TENM2: variants seen among roughly 807,000 people sequenced by gnomAD.
TENM2 encodes teneurin transmembrane protein 2.
In TENM2, 52 loss-of-function variants were observed where a neutral mutation model predicts 245.2. That is an observed-to-expected ratio of 0.21 (90% CI 0.17 to 0.27). The LOEUF (loss-of-function observed/expected upper bound fraction) is 0.27. TENM2 is among the 10% of genes least tolerant of loss of function. The pLI is 1.00. For synonymous variants in TENM2, 1,363 were observed against 1,438.9 expected (o/e 0.95, Z 1.19); for missense variants, 3,046 against 3,666.8 (o/e 0.83, Z 4.37).
At chr5:168,058,268 C>A (rs1274853377) in intron 6 of TENM2, among the ~76,000 whole-genome samples, 2 of 152,168 alleles carry the variant, frequency 1.3e-5, no homozygotes, top group Admixed American at 1.3e-4. Context: ...AATACCCCAC[C>A]AGATGGATTT....
chr5:167,227,709 G>A, the TENM2 span, among the ~76,000 whole-genome samples: 1 of 152,142 alleles, frequency 6.6e-6, no homozygotes, highest in South Asian at 2.1e-4. Context: ...TGACATTAGA[G>A]TTTGACTGTA....
At chr5:167,329,454 A>G (rs2127787345) in intron 1 of TENM2, among the ~76,000 whole-genome samples, 1 of 145,784 alleles carries the variant, frequency 6.9e-6, no homozygotes, top group East Asian at 2.2e-4. Context: ...CGGGAGGCTG[A>G]GGCAGGAGAA....
At chr5:168,124,425 C>T (rs1795695548) in intron 10 of TENM2, among the ~76,000 whole-genome samples, 1 of 152,216 alleles carries the variant, frequency 6.6e-6, no homozygotes, top group Non-Finnish European at 1.5e-5. Context: ...CTACTTTTCT[C>T]TCTTATAGTG....
intron 2 of TENM2, among the ~76,000 whole-genome samples, chr5:167,816,633 G>GT (rs1244953958): frequency 6.6e-6 from 1 of 152,072 alleles, no homozygotes; most frequent in Non-Finnish European, 1.5e-5. Flanking sequence ...TCAGCAGTGT[G>GT]TATTTAGAGA....
chr5:167,874,696 A>G (rs900418194), intron 2 of TENM2, among the ~76,000 whole-genome samples: 4 of 152,202 alleles, frequency 2.6e-5, no homozygotes, highest in African/African-American at 9.6e-5. Context: ...TGAAGCAGGC[A>G]AAAGTATAGG....
At chr5:167,281,900 A>T (rs6865117), upstream of TENM2, among the ~76,000 whole-genome samples, 139,720 of 151,546 alleles carry the variant, frequency 0.92, 64,441 homozygotes, top group East Asian at 0.97. Flanking sequence ...CTTGGGAGGC[A>T]GAGGCAGGAG....
chr5:167,725,048 A>T (rs905248545), intron 2 of TENM2, among the ~76,000 whole-genome samples: 1 of 152,228 alleles, frequency 6.6e-6, no homozygotes, highest in Admixed American at 6.5e-5. Flanking sequence ...CTCCATTAAA[A>T]TAAAGGGTAT....
At chr5:167,906,438 G>T (rs1776090805) in intron 3 of TENM2, among the ~76,000 whole-genome samples, 1 of 152,176 alleles carries the variant, frequency 6.6e-6, no homozygotes, top group Non-Finnish European at 1.5e-5. Flanking sequence ...GTTTGCCCAA[G>T]TGCAGCCCCT....
chr5:167,703,530 C>CAAAAAA (rs747603141), intron 2 of TENM2, among the ~76,000 whole-genome samples: 1,040 of 96,844 alleles, frequency 0.011, 36 homozygotes, highest in East Asian at 0.058. Context: ...GAAACCATCT[C>CAAAAAA]AAAAAAAAAA....
the TENM2 span, among the ~76,000 whole-genome samples, chr5:167,126,636 A>G: frequency 6.6e-6 from 1 of 152,352 alleles, no homozygotes; most frequent in East Asian, 1.9e-4. Flanking sequence ...AATTAATAAA[A>G]ATAAACACAA....
intron 23 of TENM2, among the ~76,000 whole-genome samples, chr5:168,222,154 C>CTTA (rs1763726444): frequency 6.6e-6 from 1 of 152,172 alleles, no homozygotes; most frequent in Non-Finnish European, 1.5e-5. Context: ...CAGATAGAGA[C>CTTA]TTATTTTGGA....
chr5:167,514,145 A>G (rs1030856326), intron 2 of TENM2, among the ~76,000 whole-genome samples: 4 of 152,208 alleles, frequency 2.6e-5, no homozygotes, highest in African/African-American at 9.7e-5. Context: ...CAGAATCGCA[A>G]TATTCCCTTT....
the TENM2 span, among the ~76,000 whole-genome samples, chr5:167,105,195 G>A: frequency 6.6e-6 from 1 of 152,156 alleles, no homozygotes; most frequent in Non-Finnish European, 1.5e-5. Context: ...GTTTAAATGA[G>A]TCTATAATTT....
chr5:167,025,380 A>T, the TENM2 span, among the ~76,000 whole-genome samples: 1 of 152,224 alleles, frequency 6.6e-6, no homozygotes, highest in Non-Finnish European at 1.5e-5. Flanking sequence ...TACAAAATTT[A>T]TAGTTACAAA....
intron 2 of TENM2, among the ~76,000 whole-genome samples, chr5:167,491,687 A>T (rs1197476523): frequency 6.6e-6 from 1 of 152,162 alleles, no homozygotes; most frequent in African/African-American, 2.4e-5. Context: ...GTTGTCAAGG[A>T]TACCCAGCTC....
chr5:167,118,280 G>C, the TENM2 span, among the ~76,000 whole-genome samples: 9 of 152,296 alleles, frequency 5.9e-5, no homozygotes, highest in South Asian at 1.9e-3. Context: ...AGAGGAGAGA[G>C]AGAAACTCAA....
chr5:167,131,752 C>A, the TENM2 span, among the ~76,000 whole-genome samples: 2 of 151,978 alleles, frequency 1.3e-5, no homozygotes, highest in Admixed American at 6.6e-5. Context: ...AATTGGACTC[C>A]CATAGAAATG....
intron 1 of TENM2, among the ~76,000 whole-genome samples, chr5:167,323,742 A>G (rs547833613): frequency 1.0e-3 from 153 of 152,312 alleles, no homozygotes; most frequent in Non-Finnish European, 1.6e-3. Flanking sequence ...AAAATCAATG[A>G]TTGGTTCTTA....
At chr5:167,328,147 A>T (rs1319158187) in intron 1 of TENM2, among the ~76,000 whole-genome samples, 2 of 146,870 alleles carry the variant, frequency 1.4e-5, no homozygotes, top group Non-Finnish European at 3.0e-5. Flanking sequence ...AAAAAAAATC[A>T]GTTTTCTTAT....
Sources: allele counts gnomAD v4.1 joint callset (sites outside exome capture counted in the v4.1 genomes callset), GRCh38; gene constraint gnomAD v4.1.1; transcripts MANE v1.5; gene names NCBI Gene and HGNC (gene_info 2026-07-23, HGNC 2026-07-21).